Variants in SAMD4A observed in about 807,000 individuals in gnomAD.
The protein encoded by SAMD4A is protein Smaug homolog 1.
In SAMD4A, 33 loss-of-function variants were observed where a neutral mutation model predicts 81.3. That is an observed-to-expected ratio of 0.41 (90% confidence interval 0.31 to 0.54). The LOEUF is 0.54. Ranked by LOEUF, SAMD4A falls within the 20% of genes least tolerant of loss-of-function variation. The probability of loss-of-function intolerance (pLI) is 0.37; values close to 1 mark genes in which losing one functional copy is unlikely to be tolerated. For synonymous variants in SAMD4A, 389 were observed against 382.1 expected, an observed-to-expected ratio of 1.02 and a Z score of -0.21; for missense variants, 854 against 951.1, an observed-to-expected ratio of 0.90 and a Z score of 1.34.
In SAMD4A at chr14:54,774,987, G is replaced by A; in HGVS notation, c.1769G>A (p.Gly590Asp). The change falls in exon 10 of 13, where the codon GGC becomes GAC. Residue 590 changes from glycine (G) to aspartate (D), a missense_variant. Physicochemically the swap from Gly to Asp is moderately conservative, Grantham distance 94 (BLOSUM62 -1). Coordinates refer to ENST00000554335, the MANE Select transcript of SAMD4A (RefSeq NM_015589.6). ...CCGACGGCTGGCTCTGTGGGCGGTG[G>A]CATGGGCAGACGGAACCCGCGCCAG... ...SLPTAGSVGG[G>D]MGRRNPRQYQ... is the part of the protein sequence containing the mutation. 1 of 1,614,188 alleles carries A rather than the reference G, an allele frequency of 6.2e-7. No homozygotes were observed.
chr14:54,667,567 C>T (rs2140495441), intron 2 of SAMD4A, among the ~76,000 whole-genome samples: 1 of 152,270 alleles, frequency 6.6e-6, no homozygotes, highest in Non-Finnish European at 1.5e-5. Flanking sequence ...AGGCAAATGT[C>T]ATTCTTCCAC....
intron 2 of SAMD4A, among the ~76,000 whole-genome samples, chr14:54,598,692 CA>C (rs1181036504): frequency 6.6e-6 from 1 of 151,880 alleles, no homozygotes; most frequent in Non-Finnish European, 1.5e-5. Context: ...AAGCTCACAG[CA>C]AAAAACAAAA....
At chr14:54,689,147 G>C (rs769022563) in intron 2 of SAMD4A, among the ~76,000 whole-genome samples, 1 of 152,040 alleles carries the variant, frequency 6.6e-6, no homozygotes, top group Non-Finnish European at 1.5e-5. Context: ...GGCCAGGCTG[G>C]TCTCAAACTC....
intron 2 of SAMD4A, among the ~76,000 whole-genome samples, chr14:54,698,509 G>T (rs1431298850): frequency 6.6e-6 from 1 of 152,228 alleles, no homozygotes; most frequent in Admixed American, 6.5e-5. Flanking sequence ...AAGAAGGCTA[G>T]TAATAGGACC....
intron 2 of SAMD4A, among the ~76,000 whole-genome samples, chr14:54,617,692 A>T (rs1290368071): frequency 6.6e-6 from 1 of 152,232 alleles, no homozygotes; most frequent in African/African-American, 2.4e-5. Flanking sequence ...TCTCACTGCC[A>T]CTACTCACAC....
At position 54,760,362 on chromosome 14, in the gene SAMD4A, A is replaced by G. The variant is rs1337302666; in HGVS notation, c.1378A>G (p.Thr460Ala). 9 of 1,576,276 alleles carry G rather than the reference A, an allele frequency of 5.7e-6. No individual in the cohort carries two copies. In the South Asian group the frequency reaches 8.0e-5, roughly 14 times the overall value. The change falls in exon 7 of 13, where the codon ACG becomes GCG. Residue 460 changes from threonine to alanine, a missense_variant. Thr to Ala is a moderately conservative substitution (Grantham distance 58, BLOSUM62 0). Around this residue, in one of 3 missense-constraint regions of SAMD4A, gnomAD observed 428 missense variants for 471.2 expected, o/e 0.91. Coordinates refer to ENST00000554335, the MANE Select transcript of SAMD4A (RefSeq NM_015589.6). ...CKDGAAATGATATPSAGASGG... is the reference protein window; with the variant it reads ...CKDGAAATGAAATPSAGASGG... ...AGATGGGGCCGCAGCCACTGGCGCC[A>G]CGGCCACCCCCTCGGCCGGGGCCAG...
At chr14:54,760,560 G>A (rs1236967013) in intron 7 of SAMD4A, 66 bp downstream of exon 7, 3 of 1,361,592 alleles carry the variant, frequency 2.2e-6, no homozygotes, top group Non-Finnish European at 2.8e-6. Flanking sequence ...CAGGCTCCTG[G>A]GGGCTTCCCC....
chr14:54,678,872 A>G (rs995331893), intron 2 of SAMD4A, among the ~76,000 whole-genome samples: 3 of 152,158 alleles, frequency 2.0e-5, no homozygotes, highest in African/African-American at 7.2e-5. Flanking sequence ...AGCATGGATA[A>G]TTGAAACCCT....
intron 2 of SAMD4A, among the ~76,000 whole-genome samples, chr14:54,699,973 C>G (rs2036671214): frequency 6.6e-6 from 1 of 152,212 alleles, no homozygotes; most frequent in Admixed American, 6.5e-5. Flanking sequence ...TGAAGTGAGT[C>G]AAGCATCTCT....
Position 54,760,226 on chromosome 14 carries a change from G to A in SAMD4A, c.1242G>A (p.Pro414=), listed in dbSNP as rs577864831. 6.0e-5 allele frequency: 96 copies of A among 1,613,392 alleles called. No homozygotes were observed. In the East Asian group the frequency reaches 1.3e-3, roughly 21 times the overall value. The part of the protein sequence containing the change: ...LQELHQMILT[P]IKAYSSPSTT... ...AACTGCACCAGATGATCCTGACTCC[G>A]ATCAAGGCCTACAGCTCCCCGAGCA... Residue 414 remains proline, a synonymous_variant, in exon 7 of 13, where the codon CCG becomes CCA. Coordinates refer to ENST00000554335, the MANE Select transcript of SAMD4A (RefSeq NM_015589.6).
At chr14:54,626,053 TGTGTGTGCGCGCGCGCGCGCGCGA>T (rs1287443535) in intron 2 of SAMD4A, among the ~76,000 whole-genome samples, 8 of 120,184 alleles carry the variant, frequency 6.7e-5, no homozygotes, top group Admixed American at 4.6e-4. Flanking sequence ...TGTGTGTGTG[TGTGTGTGCGCGCGCGCGCGCGCGA>T]GTGCGCACAT....
intron 2 of SAMD4A, among the ~76,000 whole-genome samples, chr14:54,591,541 G>A (rs970879147): frequency 7.2e-6 from 1 of 139,462 alleles, no homozygotes; most frequent in Non-Finnish European, 1.6e-5. Flanking sequence ...TTTTTTTTTT[G>A]TTTTGTTTTT....
intron 2 of SAMD4A, among the ~76,000 whole-genome samples, chr14:54,669,445 CTTTTTT>C (rs11406251): frequency 9.7e-6 from 1 of 103,336 alleles, no homozygotes; most frequent in Non-Finnish European, 1.9e-5. Context: ...ACGCTTCTTT[CTTTTTT>C]TTTTTTTTTT....
chr14:54,782,740 G>C (rs903701942), intron 11 of SAMD4A, among the ~76,000 whole-genome samples: 1 of 152,228 alleles, frequency 6.6e-6, no homozygotes, highest in African/African-American at 2.4e-5. Context: ...ATCTGCCTCT[G>C]AATTAGCTGA....
At chr14:54,604,014 G>T (rs763039629) in intron 2 of SAMD4A, among the ~76,000 whole-genome samples, 1 of 151,982 alleles carries the variant, frequency 6.6e-6, no homozygotes, top group South Asian at 2.1e-4. Flanking sequence ...TAGTAGAGAC[G>T]GGGTTTCTCC....
chr14:54,688,318 A>G, intron 2 of SAMD4A: 1 of 985,480 alleles, frequency 1.0e-6, no homozygotes, highest in South Asian at 4.7e-5. Context: ...ACTGGCTCTC[A>G]CGCCCAGGCT....
At chr14:54,635,547 C>T (rs374766077) in intron 2 of SAMD4A, among the ~76,000 whole-genome samples, 4 of 148,672 alleles carry the variant, frequency 2.7e-5, no homozygotes, top group African/African-American at 1.0e-4. Flanking sequence ...GTCAGGCGTT[C>T]GAGACCAGCC....
intron 2 of SAMD4A, among the ~76,000 whole-genome samples, chr14:54,689,314 C>T (rs1486021506): frequency 6.6e-6 from 1 of 152,196 alleles, no homozygotes. Context: ...TTTGGGTCTC[C>T]TCCTGTCCCC....
chr14:54,710,614 T>C (rs2036964947), intron 3 of SAMD4A, among the ~76,000 whole-genome samples: 1 of 152,156 alleles, frequency 6.6e-6, no homozygotes, highest in Non-Finnish European at 1.5e-5. Context: ...TCTCTGACCC[T>C]GGATTTGGCC....
Sources: gnomAD v4.1 joint callset for allele counts (sites outside exome capture counted in the v4.1 genomes callset) on GRCh38, gnomAD v4.1.1 for gene constraint, gnomAD v4.1.1 regional missense constraint, MANE v1.5 for transcripts, NCBI Gene and HGNC (gene_info 2026-07-23, HGNC 2026-07-21) for gene names.